Variants in TUBGCP6 observed in about 807,000 individuals in gnomAD.
The protein encoded by TUBGCP6 is tubulin gamma complex component 6.
Under a neutral mutation model 175.8 loss-of-function variants are expected in TUBGCP6, and 161 were observed. The observed-to-expected ratio is 0.92, with a 90% CI of 0.81 to 1.04. The LOEUF (loss-of-function observed/expected upper bound fraction) is 1.04, where lower values mean the gene tolerates loss of function less well. Among genes scored for constraint, TUBGCP6 ranks in the 50% least tolerant of loss-of-function variants. TUBGCP6 has a pLI of 0.00. For missense variants in TUBGCP6, 2,572 were observed against 2,433.0 expected, an observed-to-expected ratio of 1.06 and a Z score of -1.20; for synonymous variants, 1,173 against 1,030.5, an observed-to-expected ratio of 1.14 and a Z score of -2.65.
chr22:50,222,423 G>A, intron 14 of TUBGCP6, 31 bp downstream of exon 14: 4 of 1,611,764 alleles, frequency 2.5e-6, no homozygotes, highest in Non-Finnish European at 2.5e-6. Flanking sequence ...AAGCCCAGGG[G>A]AAGAGCTGCC....
At chr22:50,234,479 C>CT (rs2064739555) in intron 2 of TUBGCP6, among the ~76,000 whole-genome samples, 6 of 142,710 alleles carry the variant, frequency 4.2e-5, no homozygotes, top group Middle Eastern at 4.3e-3. Flanking sequence ...CCCACACCCC[C>CT]GTCCACAGCA....
intron 18 of TUBGCP6, 72 bp downstream of exon 18, chr22:50,219,572 C>T: frequency 6.3e-7 from 1 of 1,594,716 alleles, no homozygotes; most frequent in Non-Finnish European, 8.6e-7. Flanking sequence ...CGCCCCAACC[C>T]ACAGGAGGTG....
chr22:50,220,601 C>A lies in TUBGCP6; in HGVS notation c.3758G>T (p.Gly1253Val), dbSNP rs1243461316. 1.2e-6 allele frequency: 2 copies of A among 1,613,402 alleles called. No individual in the cohort carries two copies. The highest frequency in any genetic ancestry group is 1.7e-6 in the Non-Finnish European group (2 of 1,179,878). ...GGAAACCACATCCGACACAGGCTCC[C>A]CCAAGCTGATGCTGGCGTCGGACAC... is the stretch of plus-strand genomic sequence containing the variant. ...GHVSDASISL[G>V]EPVSDVVSTR... Residue 1253 changes from glycine (G) to valine (V), a missense_variant, in exon 16 of 25, where the codon GGG becomes GTG. By Grantham distance (109) the Gly-to-Val change is moderately radical (BLOSUM62 -3). Coordinates refer to ENST00000248846, the MANE Select transcript of TUBGCP6 (RefSeq NM_020461.4).
In TUBGCP6 at chr22:50,240,329, G is replaced by C; in HGVS notation, c.780C>G (p.Phe260Leu). 6.2e-7 allele frequency: 1 copy of C among 1,613,852 alleles called. No homozygotes were observed. Among genetic ancestry groups the C allele is most frequent in the South Asian group, 1.1e-5 (1 of 91,054 alleles). Residue 260 changes from phenylalanine to leucine, a missense_variant, in exon 2 of 25, where the codon TTC becomes TTG. Physicochemically the swap from Phe to Leu is conservative, Grantham distance 22. Transcript: ENST00000248846. ...PSVDQWEDEG[F>L]QSASNLTPDS... is the part of the protein sequence containing the mutation. ...CAGGAGTCAAGTTGGACGCTGACTG[G>C]AATCCTTCGTCTTCCCACTGATCCA...
rs1259208502 is a variant in TUBGCP6 at position 50,233,342 on chromosome 22, C to T, written c.1090G>A (p.Val364Met). 3 of 1,613,812 alleles carry T rather than the reference C, an allele frequency of 1.9e-6. No individual in the cohort carries two copies. The highest frequency in any genetic ancestry group is 2.2e-5 in the East Asian group (1 of 44,842). The change falls in exon 3 of 25, where the codon GTG (valine) becomes ATG (methionine). Residue 364 changes from valine to methionine, a missense_variant. Transcript: ENST00000248846. Reference sequence around the variant, plus strand: ...TGGCAGAGCGAAAACGTGGCAGACACGACCCCAATCAAGACGTTCAGCACG... The same window carrying T: ...TGGCAGAGCGAAAACGTGGCAGACATGACCCCAATCAAGACGTTCAGCACG... ...KDVLNVLIGV[V>M]SATFSLCQPA...
chr22:50,243,354 G>A (rs2064864126), intron 1 of TUBGCP6, among the ~76,000 whole-genome samples: 1 of 151,878 alleles, frequency 6.6e-6, no homozygotes, highest in African/African-American at 2.4e-5. Context: ...TCGGGAGGCT[G>A]AGGTAGGAGA....
chr22:50,218,333 T>C lies in TUBGCP6; in HGVS notation c.5024A>G (p.His1675Arg). Residue 1675 changes from histidine (H) to arginine (R), a missense_variant, in exon 23 of 25, where the codon CAT becomes CGT. His to Arg is a conservative substitution (Grantham distance 29, BLOSUM62 0). Transcript: ENST00000248846. ...QLQLFKHEMQ[H>R]FVKVIQGYIA... ...GTAGCCCTGGATGACCTTCACGAAA[T>C]GCTGCATCTCGTGCTTGAACAGCTG... 1 of 1,613,068 alleles carries C rather than the reference T, an allele frequency of 6.2e-7. No individual in the cohort carries two copies. The highest frequency in any genetic ancestry group is 8.5e-7 in the Non-Finnish European group (1 of 1,179,984).
rs561324734 is a variant in TUBGCP6, at chr22:50,241,489, G to A, written c.742-1122C>T. Among the ~76,000 whole-genome samples, 258 of 152,260 alleles carry A rather than the reference G, an allele frequency of 1.7e-3. 1 individual carries two copies. The highest frequency in any genetic ancestry group is 5.9e-3 in the African/African-American group (244 of 41,544). On this transcript the variant is annotated intron_variant, in intron 1 of 24. Coordinates refer to ENST00000248846, the MANE Select transcript of TUBGCP6 (RefSeq NM_020461.4). ...GGCCTGACATGACTCAGGCCCACCCGCAGTTATCCAGAGGCCTAAACGTCT... is the reference window on the plus strand; with the variant it reads ...GGCCTGACATGACTCAGGCCCACCCACAGTTATCCAGAGGCCTAAACGTCT...
intron 1 of TUBGCP6, among the ~76,000 whole-genome samples, chr22:50,240,718 A>C (rs1004965915): frequency 1.3e-5 from 2 of 152,198 alleles, no homozygotes; most frequent in African/African-American, 4.8e-5. Flanking sequence ...GGCCAGGCGC[A>C]GTGGCTCACG....
intron 14 of TUBGCP6, 34 bp downstream of exon 14, chr22:50,222,420 G>C (rs1387585704): frequency 1.2e-6 from 2 of 1,611,486 alleles, no homozygotes; most frequent in Non-Finnish European, 1.7e-6. Context: ...CCAAAGCCCA[G>C]GGGAAGAGCT....
chr22:50,240,329 G>A lies in TUBGCP6; in HGVS notation c.780C>T (p.Phe260=), dbSNP rs779645851. The change falls in exon 2 of 25, where the codon TTC becomes TTT. Residue 260 remains phenylalanine, a synonymous_variant. Coordinates refer to ENST00000248846, the MANE Select transcript of TUBGCP6 (RefSeq NM_020461.4). Reference sequence around the variant, plus strand: ...CAGGAGTCAAGTTGGACGCTGACTGGAATCCTTCGTCTTCCCACTGATCCA... The same window carrying A: ...CAGGAGTCAAGTTGGACGCTGACTGAAATCCTTCGTCTTCCCACTGATCCA... ...PSVDQWEDEG[F]QSASNLTPDS... 3.1e-6 allele frequency: 5 copies of A among 1,613,852 alleles called. No individual in the cohort carries two copies. Among genetic ancestry groups the A allele is most frequent in the Non-Finnish European group, 4.2e-6 (5 of 1,180,006 alleles).
rs749151104 is a variant in TUBGCP6, at chr22:50,225,790, G to A, written c.1983+4C>T. The A allele has an allele frequency of 4.2e-5, 67 of 1,610,138 alleles. No homozygotes were observed. The highest frequency in any genetic ancestry group is 1.7e-4 in the Middle Eastern group (1 of 6,046). ...AAGCCCCCGAGACCTGTGGTGCCACGCACCTTCTCCTCCTTGCTGACAGAG... is the reference window on the plus strand; with the variant it reads ...AAGCCCCCGAGACCTGTGGTGCCACACACCTTCTCCTCCTTGCTGACAGAG... On this transcript the variant is annotated splice_donor_region_variant and intron_variant, in intron 10 of 24. Coordinates refer to ENST00000248846, the MANE Select transcript of TUBGCP6 (RefSeq NM_020461.4).
intron 4 of TUBGCP6, among the ~76,000 whole-genome samples, chr22:50,228,705 G>A (rs924574360): frequency 5.9e-5 from 9 of 151,848 alleles, no homozygotes; most frequent in African/African-American, 1.2e-4. Context: ...AGCTCTCCCC[G>A]CCCCGTGCAG....
At chr22:50,229,620 C>T in intron 3 of TUBGCP6, 43 bp from the exon 4 acceptor site, 2 of 1,539,718 alleles carry the variant, frequency 1.3e-6, no homozygotes, top group Non-Finnish European at 8.8e-7. Flanking sequence ...GCCAGGCACC[C>T]AGACCCCCAG....
Position 50,218,385 on chromosome 22 carries a change from C to A in TUBGCP6, c.4972G>T (p.Ala1658Ser). Reference protein sequence around the residue: ...LKRTALLSHMAGSVQFRQLQL... With the variant: ...LKRTALLSHMSGSVQFRQLQL... ...AGCTGACGGAACTGCACAGAGCCGG[C>A]CATGTGGCTCAGCAGGGCTGGCGGA... Residue 1658 changes from alanine to serine, a missense_variant, in exon 23 of 25, where the codon GCC becomes TCC. Coordinates refer to ENST00000248846, the MANE Select transcript of TUBGCP6 (RefSeq NM_020461.4). The A allele has an allele frequency of 6.2e-7, 1 of 1,613,074 alleles. No homozygotes were observed. The highest frequency in any genetic ancestry group is 8.5e-7 in the Non-Finnish European group (1 of 1,179,958).
intron 16 of TUBGCP6, 61 bp from the exon 17 acceptor site, chr22:50,220,076 C>T: frequency 1.3e-6 from 2 of 1,570,726 alleles, no homozygotes; most frequent in South Asian, 1.1e-5. Context: ...GGGTACAGAG[C>T]CGAGCCGGCC....
intron 5 of TUBGCP6, among the ~76,000 whole-genome samples, chr22:50,227,444 A>G (rs914249393): frequency 1.3e-5 from 2 of 152,080 alleles, no homozygotes; most frequent in Non-Finnish European, 2.9e-5. Context: ...CACCCTTCAC[A>G]GCCCAGCTCC....
At chr22:50,231,009 G>A (rs977615836) in intron 3 of TUBGCP6, among the ~76,000 whole-genome samples, 1 of 146,712 alleles carries the variant, frequency 6.8e-6, no homozygotes, top group African/African-American at 2.5e-5. Flanking sequence ...TTAAACCCAG[G>A]AGGAAGAGGT....
At chr22:50,227,354 C>T (rs2064627877) in intron 5 of TUBGCP6, among the ~76,000 whole-genome samples, 1 of 152,114 alleles carries the variant, frequency 6.6e-6, no homozygotes, top group African/African-American at 2.4e-5. Context: ...CACGAATCAC[C>T]CTGATCCTCC....
Sources: allele counts gnomAD v4.1 joint callset (sites outside exome capture counted in the v4.1 genomes callset), GRCh38; gene constraint gnomAD v4.1.1; transcripts MANE v1.5; gene names NCBI Gene and HGNC (gene_info 2026-07-23, HGNC 2026-07-21).